UCP3: variants seen among roughly 807,000 people sequenced by gnomAD.
UCP3 encodes putative mitochondrial transporter UCP3.
In UCP3, 24 loss-of-function variants were observed where a neutral mutation model predicts 28.1. The ratio of observed to expected loss-of-function variants is 0.85; its 90% CI spans 0.62 to 1.20. The LOEUF (loss-of-function observed/expected upper bound fraction) is 1.20. Ranked by LOEUF, UCP3 falls within the 50% of genes most tolerant of loss-of-function variation. The pLI is 0.00. For missense variants in UCP3, 397 were observed against 422.2 expected (o/e 0.94, Z 0.52); for synonymous variants, 184 against 171.2 (o/e 1.07, Z -0.59).
Position 74,000,932 on chromosome 11 carries a change from T to C in UCP3, c.*480A>G, listed in dbSNP as rs571759636. ...TACAAATAGGCTGATGATGCATGTG[T>C]GATGGTGCAGCTGCAGTCGCCAGCT... On this transcript the variant is annotated 3_prime_UTR_variant, in exon 7 of 7. Transcript: ENST00000314032. 4.5e-5 allele frequency: 8 copies of C among 178,988 alleles called. No individual in the cohort carries two copies. The highest frequency in any genetic ancestry group is 7.1e-5 in the Non-Finnish European group (6 of 84,732). The allele number at this position is 178,988 out of a possible 1,614,324, so 11.1% of individuals were successfully genotyped here. A position where few individuals can be genotyped will look rare whatever the true frequency, so the allele number is the denominator to read the frequency against.
At position 74,001,612 on chromosome 11, in the gene UCP3, G is replaced by A. The variant is rs1951622342; in HGVS notation, c.825-86C>T. The A allele has an allele frequency of 9.4e-6, 11 of 1,170,694 alleles. No homozygotes were observed. In the Admixed American group the frequency reaches 1.8e-4, roughly 19 times the overall value. 72.5% of individuals were successfully genotyped at this position (1,170,694 alleles called of 1,614,324 possible). ...TGCTCTCCCGGGACACAGTGGTAGT[G>A]CCAGAGGATCCAGACTTCTGTTCAT... On this transcript the variant is annotated intron_variant, in intron 6 of 6. Transcript: ENST00000314032.
chr11:74,005,317 C>T (rs1012260503), intron 4 of UCP3, among the ~76,000 whole-genome samples: 1 of 152,188 alleles, frequency 6.6e-6, no homozygotes, highest in Non-Finnish European at 1.5e-5. Flanking sequence ...GGGCCCCTCC[C>T]CTTCCGTCTC....
At chr11:74,006,671 C>T (rs1415786124) in intron 2 of UCP3, among the ~76,000 whole-genome samples, 2 of 152,244 alleles carry the variant, frequency 1.3e-5, no homozygotes, top group African/African-American at 4.8e-5. Context: ...ACTTTTACCT[C>T]ACACTGCATG....
chr11:74,001,057 T>G lies in UCP3; in HGVS notation c.*355A>C. 3.2e-6 allele frequency: 1 copy of G among 309,318 alleles called. No homozygotes were observed. Among genetic ancestry groups the G allele is most frequent in the Non-Finnish European group, 6.1e-6 (1 of 164,594 alleles). The allele number at this position is 309,318 out of a possible 1,614,324, so 19.2% of individuals were successfully genotyped here. ...GCTTGCCATCCTTCCTGCTTATCATTCATTATCTAACCAGATTTCACGGGG... is the reference window on the plus strand; with the variant it reads ...GCTTGCCATCCTTCCTGCTTATCATGCATTATCTAACCAGATTTCACGGGG... On this transcript the variant is annotated 3_prime_UTR_variant, in exon 7 of 7. Coordinates refer to ENST00000314032, the MANE Select transcript of UCP3 (RefSeq NM_003356.4).
intron 5 of UCP3, among the ~76,000 whole-genome samples, chr11:74,004,208 G>C (rs766977721): frequency 4.6e-5 from 7 of 152,334 alleles, no homozygotes; most frequent in African/African-American, 7.2e-5. Flanking sequence ...GGTCATGCAG[G>C]CTGTTTGAGG....
At chr11:74,001,822 A>C (rs1429983553) in intron 6 of UCP3, 1 of 381,392 alleles carries the variant, frequency 2.6e-6, no homozygotes, top group Non-Finnish European at 4.9e-6. Flanking sequence ...TCTTTTTCAC[A>C]AACTGAGGCC....
chr11:74,004,284 C>T (rs1199906579), intron 5 of UCP3, among the ~76,000 whole-genome samples, 200 bp downstream of exon 5: 1 of 152,180 alleles, frequency 6.6e-6, no homozygotes, highest in Non-Finnish European at 1.5e-5. Flanking sequence ...GGTGCTGGGA[C>T]TGGAACCCAA....
intron 6 of UCP3, among the ~76,000 whole-genome samples, chr11:74,002,507 A>G (rs1368217340): frequency 2.0e-5 from 3 of 152,228 alleles, no homozygotes; most frequent in African/African-American, 7.2e-5. Flanking sequence ...AAATGAGGAA[A>G]ATAACAGTAT....
chr11:74,006,065 G>C, intron 3 of UCP3, 104 bp downstream of exon 3: 1 of 1,564,012 alleles, frequency 6.4e-7, no homozygotes, highest in Non-Finnish European at 8.7e-7. Flanking sequence ...TCCGGTACCA[G>C]CTTCCCCCCG....
rs142188533 is a variant in UCP3 at position 74,006,415 on chromosome 11, G to A, written c.127-36C>T. 150 of 1,500,720 alleles carry A rather than the reference G, an allele frequency of 1.0e-4. 2 individuals carry two copies. In the East Asian group the frequency reaches 3.5e-3, roughly 35 times the overall value. The allele number at this position is 1,500,720 out of a possible 1,614,324, so 93.0% of individuals were successfully genotyped here. On this transcript the variant is annotated intron_variant, in intron 2 of 6. Transcript: ENST00000314032. ...ATAGCAGGGGGTGAGGACTCAGATG[G>A]GAAGGCAAGAAGGGGCTGCGTGCAC...
Position 74,004,122 on chromosome 11 carries a change from A to G in UCP3, c.644-115T>C. ...CCCTGAGCATAGGACAGTATTTTCC[A>G]TATCTCTCACAGTGCCCTGGGCTAA... is the stretch of plus-strand genomic sequence containing the variant. On this transcript the variant is annotated intron_variant, in intron 5 of 6. Transcript: ENST00000314032. 3.3e-6 allele frequency: 5 copies of G among 1,512,352 alleles called. No homozygotes were observed. The South Asian group carries it at 4.8e-5, about 15-fold the overall frequency. 93.7% of individuals were successfully genotyped at this position (1,512,352 alleles called of 1,614,324 possible).
intron 6 of UCP3, 71 bp downstream of exon 6, chr11:74,003,756 G>A (rs971616668): frequency 7.3e-6 from 11 of 1,516,780 alleles, no homozygotes; most frequent in South Asian, 5.4e-5. Flanking sequence ...GTTGACCCAC[G>A]GTAGCCACAT....
rs925863262 is a variant in UCP3, at chr11:74,005,823, G to C, written c.448C>G (p.Leu150Val). The C allele has an allele frequency of 1.2e-6, 2 of 1,614,090 alleles. No individual in the cohort carries two copies. Among genetic ancestry groups the C allele is most frequent in the Non-Finnish European group, 1.7e-6 (2 of 1,180,054 alleles). ...TTTCTGTCGCTCCTGGATGGCCCGA[G>C]GTGTATGCTGGCCTGAAATCGGACC... ...VKVRFQASIH[L>V]GPSRSDRKYS... Residue 150 changes from leucine (L) to valine (V), a missense_variant, in exon 4 of 7, where the codon CTC becomes GTC. Transcript: ENST00000314032.
intron 6 of UCP3, chr11:74,002,711 A>G: frequency 1.0e-6 from 1 of 971,760 alleles, no homozygotes; most frequent in Non-Finnish European, 1.2e-6. Context: ...AACTGAGACA[A>G]GTGGCTACAG....
chr11:74,004,589 T>C lies in UCP3; in HGVS notation c.542-4A>G. On this transcript the variant is annotated splice_polypyrimidine_tract_variant and splice_region_variant and intron_variant, in intron 4 of 6. Transcript: ENST00000314032. ...CTCATGATGTTGGGCAAAGTTCCTG[T>C]TAGGAAGGCGGTGGGGAGGGATGTG... The C allele has an allele frequency of 6.2e-7, 1 of 1,613,144 alleles. No individual in the cohort carries two copies.
chr11:74,002,111 C>G (rs2734829), intron 6 of UCP3: 41,950 of 155,476 alleles, frequency 0.27, 5,986 homozygotes, highest in African/African-American at 0.34. Flanking sequence ...GAGAAGCCCA[C>G]GAGCTGGCCC....
chr11:74,006,850 G>A, intron 2 of UCP3, 67 bp downstream of exon 2: 1 of 1,612,384 alleles, frequency 6.2e-7, no homozygotes. Context: ...ACACGTCATG[G>A]GGGATATGGG....
At chr11:74,005,015 C>T (rs904603910) in intron 4 of UCP3, among the ~76,000 whole-genome samples, 3 of 152,230 alleles carry the variant, frequency 2.0e-5, no homozygotes, top group Admixed American at 2.0e-4. Context: ...CCTGGTTTCA[C>T]AGGTAAGGGG....
Position 74,007,000 on chromosome 11 carries a change from C to T in UCP3, c.43G>A (p.Val15Met). The change falls in exon 2 of 7, where the codon GTG becomes ATG. Residue 15 changes from valine to methionine, a missense_variant. Physicochemically the swap from Val to Met is conservative, Grantham distance 21 (BLOSUM62 1). Coordinates refer to ENST00000314032, the MANE Select transcript of UCP3 (RefSeq NM_003356.4). Reference sequence around the variant, plus strand: ...GCTGTGCCTGCCCCCAGGAACTTCACAGCCATGGTGGGAGGCACGTCTGAA... The same window carrying T: ...GCTGTGCCTGCCCCCAGGAACTTCATAGCCATGGTGGGAGGCACGTCTGAA... ...KPSDVPPTMA[V>M]KFLGAGTAAC... 6.2e-7 allele frequency: 1 copy of T among 1,614,208 alleles called. No homozygotes were observed. Among genetic ancestry groups the T allele is most frequent in the Non-Finnish European group, 8.5e-7 (1 of 1,180,046 alleles).
Sources: allele counts gnomAD v4.1 joint callset (sites outside exome capture counted in the v4.1 genomes callset), GRCh38; gene constraint gnomAD v4.1.1; transcripts MANE v1.5; gene names NCBI Gene and HGNC (gene_info 2026-07-23, HGNC 2026-07-21).